The following BRAF variants were observed in gnomAD, a reference collection of about 807,000 sequenced individuals.
The protein encoded by BRAF is serine/threonine-protein kinase B-raf.
Under a neutral mutation model 104.6 loss-of-function variants are expected in BRAF, and 16 were observed. That is an observed-to-expected ratio of 0.15 (90% CI 0.10 to 0.23). The LOEUF is 0.23. Among genes scored for constraint, BRAF ranks in the 10% least tolerant of loss-of-function variants. BRAF has a pLI of 1.00. For missense variants in BRAF, 541 were observed against 937.3 expected (o/e 0.58, Z 5.52); for synonymous variants, 310 against 341.6 (o/e 0.91, Z 1.02).
At chr7:140,778,197 T>A in intron 12 of BRAF, 122 bp from the exon 12 acceptor site, 1 of 874,782 alleles carries the variant, frequency 1.1e-6, no homozygotes, top group Non-Finnish European at 1.8e-6. Flanking sequence ...AAATCACAAA[T>A]AAATTATACT....
intron 18 of BRAF, among the ~76,000 whole-genome samples, chr7:140,738,280 C>T (rs1796607899): frequency 6.6e-6 from 1 of 152,316 alleles, no homozygotes; most frequent in South Asian, 2.1e-4. Context: ...TTAAAACCAT[C>T]AATTTTATCT....
chr7:140,735,443 G>A (rs370158670), intron 18 of BRAF, among the ~76,000 whole-genome samples: 16 of 152,318 alleles, frequency 1.1e-4, no homozygotes, highest in African/African-American at 3.6e-4. Flanking sequence ...GATAATGCAT[G>A]TTCATAATCA....
At chr7:140,808,135 T>G in intron 4 of BRAF, 73 bp from the exon 5 acceptor site, 1 of 1,235,354 alleles carries the variant, frequency 8.1e-7, no homozygotes, top group South Asian at 1.2e-5. Flanking sequence ...GCTGAAGATA[T>G]GAAAATTGGT....
intron 3 of BRAF, among the ~76,000 whole-genome samples, chr7:140,816,602 C>T (rs891777708): frequency 6.6e-6 from 1 of 152,108 alleles, no homozygotes; most frequent in Non-Finnish European, 1.5e-5. Context: ...ACCTTGGATA[C>T]CATCAGGATT....
chr7:140,901,409 T>C (rs551364465), intron 1 of BRAF, among the ~76,000 whole-genome samples: 1 of 152,300 alleles, frequency 6.6e-6, no homozygotes, highest in South Asian at 2.1e-4. Flanking sequence ...CATTAAAAAT[T>C]TGCCGAGTGG....
At chr7:140,870,771 C>T (rs1211403902) in intron 1 of BRAF, among the ~76,000 whole-genome samples, 2 of 151,910 alleles carry the variant, frequency 1.3e-5, no homozygotes, top group Non-Finnish European at 2.9e-5. Flanking sequence ...ACTATCACTC[C>T]CTAGGCAGTA....
chr7:140,718,979 C>G (rs1765539490), downstream of BRAF, among the ~76,000 whole-genome samples: 1 of 152,146 alleles, frequency 6.6e-6, no homozygotes. Context: ...TGAGTTTCTG[C>G]AGATAAACTT....
At chr7:140,718,105 T>G (rs1795175564), downstream of BRAF, among the ~76,000 whole-genome samples, 1 of 151,534 alleles carries the variant, frequency 6.6e-6, no homozygotes, top group Non-Finnish European at 1.5e-5. Flanking sequence ...AGGTGAAGTG[T>G]TTTTTTTGAG....
At position 140,861,108 on chromosome 7, in the gene BRAF, TTTTC is replaced by T. The variant is rs966867562; in HGVS notation, c.139-10900_139-10897del. On this transcript the variant is annotated intron_variant, in intron 1 of 19. Coordinates refer to ENST00000644969, the MANE Select transcript of BRAF (RefSeq NM_001374258.1). ...AATGTCAACAATCTACAGAAAAAGA[TTTTC>T]TTTCTTAAAAAAGAAACAGGCTTTA... Among the ~76,000 whole-genome samples, 6 of 152,324 alleles carry T rather than the reference TTTTC, an allele frequency of 3.9e-5. 1 individual carries two copies. Among genetic ancestry groups the T allele is most frequent in the Middle Eastern group, 6.8e-3 (2 of 294 alleles).
chr7:140,783,243 A>T (rs539264053), intron 10 of BRAF, 86 bp from the exon 10 acceptor site: 3 of 1,514,898 alleles, frequency 2.0e-6, no homozygotes, highest in African/African-American at 1.4e-5. Flanking sequence ...GGATATTTAG[A>T]CTTAATTTTA....
intron 1 of BRAF, among the ~76,000 whole-genome samples, chr7:140,917,449 T>C (rs766427087): frequency 3.9e-5 from 6 of 152,018 alleles, no homozygotes; most frequent in African/African-American, 1.2e-4. Flanking sequence ...GGGCTGAGGG[T>C]AGAAGATGAA....
At chr7:140,834,483 G>T (rs1807103289) in intron 3 of BRAF, 126 bp downstream of exon 3, 5 of 1,292,408 alleles carry the variant, frequency 3.9e-6, no homozygotes, top group Admixed American at 1.9e-5. Context: ...TTTCATTCCT[G>T]TATGACATGG....
chr7:140,791,261 C>T (rs1801935660), intron 8 of BRAF, among the ~76,000 whole-genome samples: 1 of 152,160 alleles, frequency 6.6e-6, no homozygotes. Flanking sequence ...TCTTACTGGC[C>T]CTCTAAAACA....
intron 1 of BRAF, among the ~76,000 whole-genome samples, chr7:140,887,541 G>A (rs1813712084): frequency 6.6e-6 from 1 of 152,094 alleles, no homozygotes; most frequent in Non-Finnish European, 1.5e-5. Context: ...GGGTAATATG[G>A]CTGCAGTGAC....
Position 140,894,533 on chromosome 7 carries a change from T to C in BRAF, c.138+30033A>G, listed in dbSNP as rs545958145. ...GGAAAGGGAGGTATAAGTGTACTGATTTTCTTACCTTTATTAGCAAGGAGT... is the reference window on the plus strand; with the variant it reads ...GGAAAGGGAGGTATAAGTGTACTGACTTTCTTACCTTTATTAGCAAGGAGT... On this transcript the variant is annotated intron_variant, in intron 1 of 19. Coordinates refer to ENST00000644969, the MANE Select transcript of BRAF (RefSeq NM_001374258.1). Among the ~76,000 whole-genome samples, 16 of 152,260 alleles carry C rather than the reference T, an allele frequency of 1.1e-4. No homozygotes were observed. The South Asian group carries it at 1.5e-3, about 14-fold the overall frequency.
Position 140,789,833 on chromosome 7 carries a change from C to T in BRAF, c.1141-2249G>A, listed in dbSNP as rs1195798486. 9.2e-5 allele frequency among the ~76,000 whole-genome samples: 14 copies of T among 152,302 alleles called. No homozygotes were observed. The East Asian group carries it at 2.1e-3, about 23-fold the overall frequency. ...GCAACCTTCGCCTCCTGGGTTCCAG[C>T]GATTCTCCTGCCTCGGCCTCCCGAG... is the stretch of plus-strand genomic sequence containing the variant. On this transcript the variant is annotated intron_variant, in intron 8 of 19. Transcript: ENST00000644969.
chr7:140,853,281 G>C (rs1404664694), intron 1 of BRAF, among the ~76,000 whole-genome samples: 1 of 151,992 alleles, frequency 6.6e-6, no homozygotes, highest in Non-Finnish European at 1.5e-5. Flanking sequence ...AGAGGCTGAG[G>C]TGGGAGGATT....
intron 3 of BRAF, among the ~76,000 whole-genome samples, chr7:140,828,877 A>G (rs1806377219): frequency 6.6e-6 from 1 of 152,152 alleles, no homozygotes; most frequent in African/African-American, 2.4e-5. Context: ...CTAAGGGAGC[A>G]GTTTTCTCAC....
chr7:140,872,199 G>C (rs1211297795), intron 1 of BRAF, among the ~76,000 whole-genome samples: 1 of 137,942 alleles, frequency 7.2e-6, no homozygotes, highest in Non-Finnish European at 1.5e-5. Flanking sequence ...TGGGCAACAA[G>C]AGTGAAACTC....
Sources: gnomAD v4.1 joint callset for allele counts (sites outside exome capture counted in the v4.1 genomes callset) on GRCh38, gnomAD v4.1.1 for gene constraint, MANE v1.5 for transcripts, NCBI Gene and HGNC (gene_info 2026-07-23, HGNC 2026-07-21) for gene names.